THEMIS: variants seen among roughly 807,000 people sequenced by gnomAD.
THEMIS encodes protein THEMIS.
In THEMIS, 37 loss-of-function variants were observed where a neutral mutation model predicts 52.6. That is an observed-to-expected ratio of 0.70 (90% CI 0.54 to 0.93). The LOEUF (loss-of-function observed/expected upper bound fraction) is 0.93. Among genes scored for constraint, THEMIS ranks in the 40% least tolerant of loss-of-function variants. THEMIS has a pLI of 0.00. For missense variants in THEMIS, 808 were observed against 763.1 expected, an observed-to-expected ratio of 1.06 and a Z score of -0.69; for synonymous variants, 292 against 272.7, an observed-to-expected ratio of 1.07 and a Z score of -0.70.
At chr6:127,906,939 T>C (rs1374150800) in intron 1 of THEMIS, among the ~76,000 whole-genome samples, 2 of 149,330 alleles carry the variant, frequency 1.3e-5, no homozygotes, top group African/African-American at 5.0e-5. Context: ...TAGAACTGTC[T>C]GAATGTTAAA....
chr6:127,868,537 T>C (rs270049), intron 1 of THEMIS: 923,609 of 948,032 alleles, frequency 0.97, 449,962 homozygotes, highest in East Asian at 1. Flanking sequence ...ACATATTGAA[T>C]TTCTCATTGC....
chr6:127,807,751 C>T (rs1339505323), intron 4 of THEMIS, among the ~76,000 whole-genome samples: 6 of 152,180 alleles, frequency 3.9e-5, no homozygotes, highest in Non-Finnish European at 7.4e-5. Flanking sequence ...AAACAAGTCA[C>T]ATTGTTTGTG....
chr6:127,770,501 T>A (rs1388844006), intron 4 of THEMIS, among the ~76,000 whole-genome samples: 1 of 152,212 alleles, frequency 6.6e-6, no homozygotes, highest in African/African-American at 2.4e-5. Flanking sequence ...TTTGTTTAAG[T>A]TCTTTGTAGA....
chr6:127,810,711 T>C (rs1777875744), intron 4 of THEMIS, among the ~76,000 whole-genome samples: 1 of 152,152 alleles, frequency 6.6e-6, no homozygotes, highest in African/African-American at 2.4e-5. Context: ...CCTCCAATCG[T>C]GCCTCTAGTT....
At chr6:127,837,177 T>G (rs550387412) in intron 2 of THEMIS, among the ~76,000 whole-genome samples, 2 of 151,616 alleles carry the variant, frequency 1.3e-5, no homozygotes, top group African/African-American at 4.8e-5. Context: ...ACACAGAAAA[T>G]GATAGAAAAC....
chr6:127,772,102 T>C (rs756839585), intron 4 of THEMIS, among the ~76,000 whole-genome samples: 62 of 152,150 alleles, frequency 4.1e-4, no homozygotes, highest in Admixed American at 3.0e-3. Context: ...TTCTGATTTA[T>C]TTAATCATCC....
Position 127,812,956 on chromosome 6 carries a change from G to A in THEMIS, c.1685C>T (p.Ser562Leu), listed in dbSNP as rs766269410. The change falls in exon 4 of 6, where the codon TCA becomes TTA. Residue 562 changes from serine (S) to leucine (L), a missense_variant. Ser to Leu is a moderately radical substitution (Grantham distance 145). Coordinates refer to ENST00000368248, the MANE Select transcript of THEMIS (RefSeq NM_001010923.3). Reference sequence around the variant, plus strand: ...CAGGGTTAACTTTGTTTCCTCTACTGAGGGGTGTTTCGGAGGGCGAGGTGG... The same window carrying A: ...CAGGGTTAACTTTGTTTCCTCTACTAAGGGGTGTTTCGGAGGGCGAGGTGG... ...HPPPRPPKHP[S>L]VEETKLTLLT... The A allele has an allele frequency of 6.8e-6, 11 of 1,613,960 alleles. No homozygotes were observed. The African/African-American group carries it at 1.3e-4, about 20-fold the overall frequency.
At chr6:127,849,015 A>G (rs1171503275) in intron 2 of THEMIS, among the ~76,000 whole-genome samples, 2 of 151,990 alleles carry the variant, frequency 1.3e-5, no homozygotes, top group African/African-American at 4.8e-5. Flanking sequence ...CTATGTCCTG[A>G]ATGATATTGC....
intron 2 of THEMIS, among the ~76,000 whole-genome samples, chr6:127,853,333 C>T (rs1779497061): frequency 6.6e-6 from 1 of 151,650 alleles, no homozygotes; most frequent in Admixed American, 6.6e-5. Context: ...TCAACACTGG[C>T]TGCTCATTAG....
chr6:127,813,973 A>C (rs1459495675), intron 3 of THEMIS, 42 bp from the exon 4 acceptor site: 7 of 1,482,832 alleles, frequency 4.7e-6, no homozygotes, highest in Non-Finnish European at 6.3e-6. Context: ...TTTGTACTTC[A>C]AAACGTTTGC....
intron 4 of THEMIS, among the ~76,000 whole-genome samples, chr6:127,744,541 C>T (rs1775319049): frequency 6.6e-6 from 1 of 151,892 alleles, no homozygotes; most frequent in South Asian, 2.1e-4. Context: ...ATGGATGGAC[C>T]TGGAAGGCAT....
At chr6:127,899,788 G>A (rs907897125) in intron 1 of THEMIS, among the ~76,000 whole-genome samples, 5 of 151,080 alleles carry the variant, frequency 3.3e-5, no homozygotes, top group African/African-American at 7.3e-5. Flanking sequence ...GATTATACAC[G>A]GCAAAACATA....
chr6:127,913,969 C>CA (rs927405362), intron 1 of THEMIS, among the ~76,000 whole-genome samples: 7 of 151,926 alleles, frequency 4.6e-5, no homozygotes, highest in Non-Finnish European at 1.0e-4. Context: ...ATGCTTGGGA[C>CA]AAAAAATGAT....
At chr6:127,868,410 A>G (rs1347854502) in intron 1 of THEMIS, 1 of 984,556 alleles carries the variant, frequency 1.0e-6, no homozygotes, top group Non-Finnish European at 1.2e-6. Context: ...TGAGGAAAAG[A>G]AAAAAGGAAT....
At chr6:127,900,025 C>A (rs567088551) in intron 1 of THEMIS, among the ~76,000 whole-genome samples, 1 of 151,306 alleles carries the variant, frequency 6.6e-6, no homozygotes, top group East Asian at 1.9e-4. Context: ...GACCTGCCTA[C>A]CAACAGTTAA....
At chr6:127,822,676 T>C (rs1338488323) in intron 3 of THEMIS, among the ~76,000 whole-genome samples, 2 of 152,166 alleles carry the variant, frequency 1.3e-5, no homozygotes, top group Non-Finnish European at 2.9e-5. Flanking sequence ...TTAGGCTATA[T>C]TACCTAGTTA....
chr6:127,872,559 C>G (rs995183876), intron 1 of THEMIS, among the ~76,000 whole-genome samples: 1 of 151,746 alleles, frequency 6.6e-6, no homozygotes, highest in African/African-American at 2.4e-5. Context: ...GAGACTCTGT[C>G]TCAAAAGAAA....
chr6:127,900,254 G>C (rs866773501), intron 1 of THEMIS, among the ~76,000 whole-genome samples: 6 of 151,826 alleles, frequency 4.0e-5, no homozygotes, highest in South Asian at 2.1e-4. Context: ...TATTCAATAA[G>C]TTTAATTGAA....
chr6:127,790,971 G>A (rs567035539), intron 4 of THEMIS, among the ~76,000 whole-genome samples: 55 of 152,320 alleles, frequency 3.6e-4, no homozygotes, highest in African/African-American at 1.3e-3. Flanking sequence ...CCCAAAAAGG[G>A]CATCACAGCC....
Sources: allele counts gnomAD v4.1 joint callset (sites outside exome capture counted in the v4.1 genomes callset), GRCh38; gene constraint gnomAD v4.1.1; transcripts MANE v1.5; gene names NCBI Gene and HGNC (gene_info 2026-07-23, HGNC 2026-07-21).